The following VPS13B variants were observed in gnomAD, a reference collection of about 807,000 sequenced individuals.
VPS13B encodes vacuolar protein sorting 13 homolog B.
VPS13B carries 285 observed loss-of-function variants against 426.4 expected under a neutral mutation model. The ratio of observed to expected loss-of-function variants is 0.67; its 90% confidence interval spans 0.61 to 0.74. The LOEUF (loss-of-function observed/expected upper bound fraction) is 0.74, where lower values mean the gene tolerates loss of function less well. VPS13B is among the 30% of genes least tolerant of loss of function. The pLI is 0.00. For synonymous variants in VPS13B, 1,676 were observed against 1,676.4 expected (o/e 1.00, Z 0.01); for missense variants, 4,537 against 4,782.6 (o/e 0.95, Z 1.51).
intron 8 of VPS13B, among the ~76,000 whole-genome samples, chr8:99,130,919 G>C (rs1477449396): frequency 6.6e-6 from 1 of 152,100 alleles, no homozygotes; most frequent in Admixed American, 6.6e-5. Context: ...ATAATTAGTT[G>C]ATACTCAATA....
chr8:99,519,303 C>T (rs555415255), intron 29 of VPS13B, among the ~76,000 whole-genome samples: 169 of 152,248 alleles, frequency 1.1e-3, no homozygotes, highest in African/African-American at 4.0e-3. Context: ...CAGGAAACAA[C>T]AGGTGCTGGA....
chr8:99,679,384 A>C (rs1181612424), intron 35 of VPS13B, among the ~76,000 whole-genome samples: 1 of 152,182 alleles, frequency 6.6e-6, no homozygotes, highest in African/African-American at 2.4e-5. Context: ...ACTTATTTTG[A>C]TGAGTTTAGT....
intron 22 of VPS13B, among the ~76,000 whole-genome samples, chr8:99,440,123 G>A (rs1312314388): frequency 6.6e-6 from 1 of 152,116 alleles, no homozygotes; most frequent in Non-Finnish European, 1.5e-5. Flanking sequence ...AATGTGTTCA[G>A]TATTGGCAAA....
At chr8:99,609,568 A>G (rs1309587859) in intron 33 of VPS13B, among the ~76,000 whole-genome samples, 1 of 152,188 alleles carries the variant, frequency 6.6e-6, no homozygotes, top group Non-Finnish European at 1.5e-5. Context: ...CTTTTCCATA[A>G]AGAAATCAGT....
At chr8:99,592,817 G>A (rs971336843) in intron 33 of VPS13B, among the ~76,000 whole-genome samples, 1 of 152,052 alleles carries the variant, frequency 6.6e-6, no homozygotes, top group Non-Finnish European at 1.5e-5. Flanking sequence ...ATAGGGAAAG[G>A]ACTCTCTGTT....
chr8:99,029,324 C>G (rs1842376242), intron 2 of VPS13B, among the ~76,000 whole-genome samples: 1 of 150,894 alleles, frequency 6.6e-6, no homozygotes, highest in African/African-American at 2.4e-5. Context: ...CTCCTCACAT[C>G]CCAGACGATG....
At chr8:99,801,484 CAGAA>C (rs1813120330) in intron 43 of VPS13B, among the ~76,000 whole-genome samples, 1 of 152,144 alleles carries the variant, frequency 6.6e-6, no homozygotes, top group South Asian at 2.1e-4. Context: ...AAATTTTGTG[CAGAA>C]AGAACTACTC....
intron 21 of VPS13B, among the ~76,000 whole-genome samples, chr8:99,397,327 T>A (rs1283268293): frequency 6.6e-6 from 1 of 152,128 alleles, no homozygotes; most frequent in Non-Finnish European, 1.5e-5. Context: ...GTATTTTTAG[T>A]AGAGACGGGG....
At chr8:99,263,889 C>T (rs953657312) in intron 17 of VPS13B, among the ~76,000 whole-genome samples, 2 of 152,162 alleles carry the variant, frequency 1.3e-5, no homozygotes, top group South Asian at 2.1e-4. Flanking sequence ...ATACTCATAG[C>T]CTCTGTCTTT....
chr8:99,516,131 A>G (rs1161671784), intron 29 of VPS13B, among the ~76,000 whole-genome samples: 3 of 152,204 alleles, frequency 2.0e-5, no homozygotes, highest in Non-Finnish European at 2.9e-5. Flanking sequence ...ATTTTGACAC[A>G]TTATGTTAGT....
At chr8:99,458,885 T>C (rs977940055) in intron 23 of VPS13B, among the ~76,000 whole-genome samples, 5 of 152,208 alleles carry the variant, frequency 3.3e-5, no homozygotes, top group African/African-American at 9.6e-5. Flanking sequence ...TTCACTCTGA[T>C]GGTAGTTTCT....
chr8:99,439,421 T>A (rs1234953102), intron 22 of VPS13B, among the ~76,000 whole-genome samples: 5 of 152,140 alleles, frequency 3.3e-5, no homozygotes, highest in Non-Finnish European at 5.9e-5. Context: ...CTTTTGTCTC[T>A]GTATTCCTGA....
chr8:99,767,062 C>T, intron 40 of VPS13B, 92 bp downstream of exon 40: 1 of 1,247,462 alleles, frequency 8.0e-7, no homozygotes, highest in Non-Finnish European at 1.2e-6. Context: ...TTAACTGTAT[C>T]TCAGCTGTCT....
intron 30 of VPS13B, among the ~76,000 whole-genome samples, chr8:99,532,519 C>T (rs1822984525): frequency 6.6e-6 from 1 of 151,996 alleles, no homozygotes; most frequent in African/African-American, 2.4e-5. Context: ...TCACTTTTCA[C>T]CCTTAGAAGA....
chr8:99,275,200 T>G lies in VPS13B; in HGVS notation c.2770T>G (p.Leu924Val). The G allele has an allele frequency of 1.2e-6, 2 of 1,613,202 alleles. No individual in the cohort carries two copies. The highest frequency in any genetic ancestry group is 1.7e-6 in the Non-Finnish European group (2 of 1,179,566). Reference protein sequence around the residue: ...RKPESLLAPDLMAFTIQVPQY... With the variant: ...RKPESLLAPDVMAFTIQVPQY... ...GCCAGAGTCTCTCTTAGCTCCAGAT[T>G]TGATGGCCTTCACAATCCAAGTTCC... is the stretch of plus-strand genomic sequence containing the variant. The change falls in exon 19 of 62, where the codon TTG (leucine) becomes GTG (valine). Residue 924 changes from leucine to valine, a missense_variant. By Grantham distance (32) the Leu-to-Val change is conservative (BLOSUM62 1). Transcript: ENST00000357162.
intron 39 of VPS13B, among the ~76,000 whole-genome samples, chr8:99,752,969 A>G (rs995177266): frequency 2.7e-4 from 41 of 152,302 alleles, no homozygotes; most frequent in Admixed American, 2.0e-3. Flanking sequence ...GACAAGGTGA[A>G]AAAGCTTCCT....
In VPS13B at chr8:99,577,511, T is replaced by A; in HGVS notation, c.5098T>A (p.Ser1700Thr). 1 of 1,613,854 alleles carries A rather than the reference T, an allele frequency of 6.2e-7. No individual in the cohort carries two copies. Among genetic ancestry groups the A allele is most frequent in the Non-Finnish European group, 8.5e-7 (1 of 1,179,750 alleles). ...HTEEILVCGH[S>T]LEVNITTNLD... ...TCAGGAGATTTTAGTGTGTGGCCAT[T>A]CCTTAGAAGTGAATATAACCACAAA... is the stretch of plus-strand genomic sequence containing the variant. The change falls in exon 33 of 62, where the codon TCC becomes ACC. Residue 1700 changes from serine to threonine, a missense_variant. Ser to Thr is a moderately conservative substitution (Grantham distance 58). Coordinates refer to ENST00000357162, the MANE Select transcript of VPS13B (RefSeq NM_152564.5).
chr8:99,483,307 G>A (rs983500619), intron 25 of VPS13B, among the ~76,000 whole-genome samples: 3 of 151,998 alleles, frequency 2.0e-5, no homozygotes, highest in Admixed American at 6.6e-5. Context: ...ATGAGGAAGC[G>A]ATAGGAAGTC....
chr8:99,305,732 T>C (rs1820602984), intron 19 of VPS13B, among the ~76,000 whole-genome samples: 1 of 152,098 alleles, frequency 6.6e-6, no homozygotes, highest in African/African-American at 2.4e-5. Flanking sequence ...TGGTAAAAGT[T>C]ACATGATAAA....
Sources: gnomAD v4.1 joint callset for allele counts (sites outside exome capture counted in the v4.1 genomes callset) on GRCh38, gnomAD v4.1.1 for gene constraint, MANE v1.5 for transcripts, NCBI Gene and HGNC (gene_info 2026-07-23, HGNC 2026-07-21) for gene names.